Variants in VPS13B observed in about 807,000 individuals in gnomAD.
The protein encoded by VPS13B is intermembrane lipid transfer protein VPS13B.
Under a neutral mutation model 426.4 loss-of-function variants are expected in VPS13B, and 285 were observed. The observed-to-expected ratio is 0.67, with a 90% confidence interval of 0.61 to 0.74. The LOEUF (loss-of-function observed/expected upper bound fraction) is 0.74. VPS13B is among the 30% of genes least tolerant of loss of function. The pLI is 0.00. For synonymous variants in VPS13B, 1,676 were observed against 1,676.4 expected, an observed-to-expected ratio of 1.00 and a Z score of 0.01; for missense variants, 4,537 against 4,782.6, an observed-to-expected ratio of 0.95 and a Z score of 1.51.
intron 34 of VPS13B, 103 bp from the exon 35 acceptor site, chr8:99,661,250 GT>G: frequency 7.0e-7 from 1 of 1,423,940 alleles, no homozygotes. Context: ...CTTGCAAACA[GT>G]TATTTAACCA....
At chr8:99,559,152 G>A (rs952561266) in intron 31 of VPS13B, among the ~76,000 whole-genome samples, 2 of 152,164 alleles carry the variant, frequency 1.3e-5, no homozygotes, top group African/African-American at 4.8e-5. Context: ...GCATTTCTCT[G>A]ATGGCCAGTG....
chr8:99,295,460 A>T (rs1819981854), intron 19 of VPS13B, among the ~76,000 whole-genome samples: 1 of 152,220 alleles, frequency 6.6e-6, no homozygotes, highest in Non-Finnish European at 1.5e-5. Context: ...TTGACTTATG[A>T]TGTTACAGCT....
At chr8:99,615,586 A>G (rs1239926815) in intron 33 of VPS13B, among the ~76,000 whole-genome samples, 1 of 152,222 alleles carries the variant, frequency 6.6e-6, no homozygotes, top group African/African-American at 2.4e-5. Flanking sequence ...GATAAGGAAA[A>G]GTGTATGCTT....
chr8:99,386,309 A>G (rs1335080110), intron 20 of VPS13B, among the ~76,000 whole-genome samples: 2 of 152,252 alleles, frequency 1.3e-5, no homozygotes, highest in East Asian at 3.8e-4. Context: ...TAAAATGAAC[A>G]TACAATCACG....
intron 17 of VPS13B, among the ~76,000 whole-genome samples, chr8:99,226,059 C>G (rs1815997902): frequency 6.6e-6 from 1 of 152,142 alleles, no homozygotes; most frequent in Admixed American, 6.5e-5. Flanking sequence ...ATTCTCCTGC[C>G]TCAGCCTCCC....
At chr8:99,589,474 C>A (rs1021604006) in intron 33 of VPS13B, among the ~76,000 whole-genome samples, 1 of 151,518 alleles carries the variant, frequency 6.6e-6, no homozygotes, top group Non-Finnish European at 1.5e-5. Context: ...TTTGTCCTTG[C>A]GATAGTTTTC....
At position 99,835,058 on chromosome 8, in the gene VPS13B, G is replaced by A. The variant is rs1394000559; in HGVS notation, c.9615-139G>A. ...TATTATAAATATGTTACTGTTATCA[G>A]AAAAGGAATCTCCCCTGAGTTATAA... is the stretch of plus-strand genomic sequence containing the variant. On this transcript the variant is annotated intron_variant, in intron 52 of 61. Coordinates refer to ENST00000357162, the MANE Select transcript of VPS13B (RefSeq NM_152564.5). The A allele has an allele frequency of 5.0e-6, 5 of 1,002,364 alleles. No individual in the cohort carries two copies. In the Admixed American group the frequency reaches 1.1e-4, roughly 23 times the overall value. The allele number at this position is 1,002,364 out of a possible 1,614,324, so 62.1% of individuals were successfully genotyped here.
intron 16 of VPS13B, among the ~76,000 whole-genome samples, chr8:99,186,038 G>A (rs1321733575): frequency 6.6e-6 from 1 of 152,034 alleles, no homozygotes; most frequent in African/African-American, 2.4e-5. Context: ...TATCCCACTA[G>A]TTACACTAGG....
At chr8:99,398,813 T>C (rs929643685) in intron 21 of VPS13B, among the ~76,000 whole-genome samples, 1 of 134,558 alleles carries the variant, frequency 7.4e-6, no homozygotes, top group African/African-American at 3.0e-5. Flanking sequence ...GTGGGACAAG[T>C]ATTTTTTTTT....
At chr8:99,366,811 G>A (rs544190028) in intron 19 of VPS13B, among the ~76,000 whole-genome samples, 94 of 151,928 alleles carry the variant, frequency 6.2e-4, no homozygotes, top group African/African-American at 1.1e-3. Context: ...ATCTTATAAC[G>A]CATTATTTTA....
intron 19 of VPS13B, among the ~76,000 whole-genome samples, chr8:99,324,990 T>G (rs1221904765): frequency 1.3e-5 from 2 of 152,212 alleles, no homozygotes; most frequent in African/African-American, 2.4e-5. Context: ...TCTTAATCAT[T>G]CTCATTTTCA....
chr8:99,233,895 T>C, intron 17 of VPS13B: 1 of 784,036 alleles, frequency 1.3e-6, no homozygotes. Flanking sequence ...GCTTCAGAAG[T>C]CCCCTCTGGG....
At chr8:99,818,983 G>GGGGGGT in intron 47 of VPS13B, 95 bp downstream of exon 47, 1 of 384,876 alleles carries the variant, frequency 2.6e-6, no homozygotes. Context: ...GGAGGGGTGG[G>GGGGGGT]TAGGGAGATG....
intron 54 of VPS13B, among the ~76,000 whole-genome samples, chr8:99,839,206 T>A (rs1048891425): frequency 6.6e-6 from 1 of 152,236 alleles, no homozygotes; most frequent in Non-Finnish European, 1.5e-5. Context: ...GATCTTTGAC[T>A]CTTAGCAGAC....
chr8:99,535,591 T>A (rs1823164628), intron 30 of VPS13B, among the ~76,000 whole-genome samples: 1 of 152,160 alleles, frequency 6.6e-6, no homozygotes, highest in South Asian at 2.1e-4. Flanking sequence ...CATAGCTAAT[T>A]TTTTTCTTTT....
intron 39 of VPS13B, among the ~76,000 whole-genome samples, chr8:99,734,170 G>C (rs1833717344): frequency 6.6e-6 from 1 of 152,080 alleles, no homozygotes; most frequent in South Asian, 2.1e-4. Context: ...TATTTTCACA[G>C]TTCATCCATG....
chr8:99,139,024 T>G (rs1810240169), intron 12 of VPS13B, among the ~76,000 whole-genome samples: 1 of 152,246 alleles, frequency 6.6e-6, no homozygotes, highest in South Asian at 2.1e-4. Context: ...TTTTGGGTTT[T>G]TCATATTTTT....
chr8:99,616,040 C>T lies in VPS13B; in HGVS notation c.5221-25771C>T, dbSNP rs1454111474. 3.9e-5 allele frequency among the ~76,000 whole-genome samples: 6 copies of T among 152,192 alleles called. No individual in the cohort carries two copies. In the South Asian group the frequency reaches 1.0e-3, roughly 26 times the overall value. On this transcript the variant is annotated intron_variant, in intron 33 of 61. Coordinates refer to ENST00000357162, the MANE Select transcript of VPS13B (RefSeq NM_152564.5). ...GAGTTAAAAATCTCCTCTACAGATT[C>T]AGTAGGTCTGGAGAAGGCCCCAGGA... is the stretch of plus-strand genomic sequence containing the variant.
chr8:99,274,996 A>G, intron 18 of VPS13B, 85 bp from the exon 19 acceptor site: 1 of 1,131,382 alleles, frequency 8.8e-7, no homozygotes, highest in Non-Finnish European at 1.2e-6. Flanking sequence ...ATGTTATATT[A>G]TGGTGTTAGT....
Sources: gnomAD v4.1 joint callset for allele counts (sites outside exome capture counted in the v4.1 genomes callset) on GRCh38, gnomAD v4.1.1 for gene constraint, MANE v1.5 for transcripts, NCBI Gene and HGNC (gene_info 2026-07-23, HGNC 2026-07-21) for gene names.